FRMD4B: variants seen among roughly 807,000 people sequenced by gnomAD.
FRMD4B encodes the protein FERM domain containing 4B.
A neutral mutation model predicts 141.5 loss-of-function variants in FRMD4B; 74 were observed. The ratio of observed to expected loss-of-function variants is 0.52; its 90% CI spans 0.43 to 0.63. FRMD4B has a LOEUF of 0.63. Ranked by LOEUF, FRMD4B falls within the 30% of genes least tolerant of loss-of-function variation. The pLI, the probability that FRMD4B is intolerant of heterozygous loss-of-function variation, is 0.00. For missense variants in FRMD4B, 1,366 were observed against 1,253.4 expected (o/e 1.09, Z -1.36); for synonymous variants, 506 against 467.9 (o/e 1.08, Z -1.05).
chr3:69,237,187 G>GA (rs1456352676), intron 7 of FRMD4B, among the ~76,000 whole-genome samples: 1 of 151,234 alleles, frequency 6.6e-6, no homozygotes, highest in East Asian at 1.9e-4. Context: ...GGAGGAAGAG[G>GA]AGAGAATTGG....
chr3:69,391,289 T>C (rs149968955), intron 2 of FRMD4B, among the ~76,000 whole-genome samples: 5,169 of 152,102 alleles, frequency 0.034, 274 homozygotes, highest in African/African-American at 0.11. Context: ...AGGGTACACG[T>C]GCACAATGTG....
chr3:69,480,216 C>A (rs1575585346), intron 1 of FRMD4B, among the ~76,000 whole-genome samples: 1 of 152,396 alleles, frequency 6.6e-6, no homozygotes, highest in East Asian at 1.9e-4. Flanking sequence ...TTGTCAAAGT[C>A]ATTCTCCATC....
chr3:69,494,591 T>C (rs985466342), intron 1 of FRMD4B, among the ~76,000 whole-genome samples: 20 of 152,074 alleles, frequency 1.3e-4, no homozygotes, highest in African/African-American at 4.3e-4. Flanking sequence ...CAACAGAGAA[T>C]AGGCACTAAG....
At chr3:69,222,545 G>A (rs2093206599) in intron 8 of FRMD4B, among the ~76,000 whole-genome samples, 1 of 151,800 alleles carries the variant, frequency 6.6e-6, no homozygotes, top group South Asian at 2.1e-4. Flanking sequence ...GTTGAGGCAG[G>A]CAGATCACCT....
chr3:69,265,298 ATATATATATATATATATG>A (rs1559763079), intron 5 of FRMD4B, among the ~76,000 whole-genome samples: 2 of 102,640 alleles, frequency 1.9e-5, no homozygotes, highest in Admixed American at 1.1e-4. Flanking sequence ...ATATATATAT[ATATATATATATATATATG>A]CAGATATGAA....
rs1221946139 is a variant in FRMD4B at position 69,208,307 on chromosome 3, A to T, written c.876+7956T>A. On this transcript the variant is annotated intron_variant, in intron 11 of 22. Transcript: ENST00000398540. ...TCCAACTCCTCACCTCAGGTGATCTACCCACCTCGGCCTCCCAAAGTGCTG... is the reference window on the plus strand; with the variant it reads ...TCCAACTCCTCACCTCAGGTGATCTTCCCACCTCGGCCTCCCAAAGTGCTG... Among the ~76,000 whole-genome samples, 4 of 151,352 alleles carry T rather than the reference A, an allele frequency of 2.6e-5. No homozygotes were observed. The East Asian group carries it at 5.8e-4, about 22-fold the overall frequency.
At chr3:69,532,854 G>A (rs1030628286) in intron 1 of FRMD4B, among the ~76,000 whole-genome samples, 2 of 152,202 alleles carry the variant, frequency 1.3e-5, no homozygotes, top group South Asian at 2.1e-4. Flanking sequence ...TGACACTGTC[G>A]GCTGTTATAA....
chr3:69,239,342 CTAACTTG>C (rs1238064562), intron 7 of FRMD4B, among the ~76,000 whole-genome samples: 27 of 152,226 alleles, frequency 1.8e-4, no homozygotes, highest in African/African-American at 5.3e-4. Flanking sequence ...TGTCTGTGGC[CTAACTTG>C]TAACAGGGGA....
chr3:69,368,291 C>T (rs79777688), intron 1 of FRMD4B, among the ~76,000 whole-genome samples: 26,529 of 152,148 alleles, frequency 0.17, 2,568 homozygotes, highest in African/African-American at 0.24. Context: ...GGAACTCATA[C>T]CACCTGACTC....
At chr3:69,410,742 T>TTTGAG (rs1559519840) in intron 2 of FRMD4B, among the ~76,000 whole-genome samples, 1 of 15,232 alleles carries the variant, frequency 6.6e-5, no homozygotes, top group East Asian at 3.2e-3. Context: ...TATATATATA[T>TTTGAG]ATATATATAT....
At chr3:69,297,125 G>T (rs1701059423) in intron 4 of FRMD4B, among the ~76,000 whole-genome samples, 1 of 152,034 alleles carries the variant, frequency 6.6e-6, no homozygotes, top group South Asian at 2.1e-4. Context: ...CGTGTATTTG[G>T]CTCTCTTTAA....
At chr3:69,435,687 A>C (rs1165639365) in intron 1 of FRMD4B, among the ~76,000 whole-genome samples, 2 of 152,182 alleles carry the variant, frequency 1.3e-5, no homozygotes, top group Non-Finnish European at 2.9e-5. Flanking sequence ...TGTGTTAATC[A>C]GGTTTCTTTA....
intron 9 of FRMD4B, among the ~76,000 whole-genome samples, chr3:69,219,677 C>G (rs7639320): frequency 0.98 from 149,435 of 152,110 alleles, 73,471 homozygotes; most frequent in Middle Eastern, 1. Flanking sequence ...TGTTACATAG[C>G]TAAATGTATG....
At chr3:69,485,699 G>C (rs1454180013) in intron 1 of FRMD4B, among the ~76,000 whole-genome samples, 1 of 152,208 alleles carries the variant, frequency 6.6e-6, no homozygotes, top group Non-Finnish European at 1.5e-5. Context: ...GCCTGGACCA[G>C]CATCCAGGGC....
intron 5 of FRMD4B, among the ~76,000 whole-genome samples, chr3:69,282,616 A>G (rs959167076): frequency 2.0e-5 from 3 of 152,150 alleles, no homozygotes; most frequent in Non-Finnish European, 2.9e-5. Context: ...CATCTCTTAG[A>G]ATTTGTTACC....
At chr3:69,506,992 T>C (rs1463896897) in intron 1 of FRMD4B, among the ~76,000 whole-genome samples, 2 of 152,188 alleles carry the variant, frequency 1.3e-5, no homozygotes, top group Non-Finnish European at 2.9e-5. Flanking sequence ...ATATGATCAA[T>C]AAATTTTGTT....
chr3:69,507,888 A>G (rs1396959155), intron 1 of FRMD4B, among the ~76,000 whole-genome samples: 1 of 152,178 alleles, frequency 6.6e-6, no homozygotes, highest in Admixed American at 6.6e-5. Context: ...TAAGGTTTTT[A>G]AAAAATCCTA....
intron 1 of FRMD4B, among the ~76,000 whole-genome samples, chr3:69,480,547 T>C (rs1706101940): frequency 6.6e-6 from 1 of 152,180 alleles, no homozygotes; most frequent in Non-Finnish European, 1.5e-5. Context: ...TGAAAGCTGC[T>C]GTCTGATCGT....
rs537411044 is a variant in FRMD4B at position 69,247,085 on chromosome 3, T to G, written c.581+2141A>C. Among the ~76,000 whole-genome samples, 5 of 152,180 alleles carry G rather than the reference T, an allele frequency of 3.3e-5. No individual in the cohort carries two copies. The South Asian group carries it at 6.2e-4, about 19-fold the overall frequency. On this transcript the variant is annotated intron_variant, in intron 7 of 22. Transcript: ENST00000398540. ...CATCAGAGGTAGATAAGAGACCAGA[T>G]AGGATGATAGTAATAATGAGGATAA... is the stretch of plus-strand genomic sequence containing the variant.
Sources: allele counts gnomAD v4.1 joint callset (sites outside exome capture counted in the v4.1 genomes callset), GRCh38; gene constraint gnomAD v4.1.1; transcripts MANE v1.5; gene names NCBI Gene and HGNC (gene_info 2026-07-23, HGNC 2026-07-21).